The following GLI2 variants were observed in gnomAD, a reference collection of about 807,000 sequenced individuals.
GLI2 encodes GLI family zinc finger 2.
In GLI2, 22 loss-of-function variants were observed where a neutral mutation model predicts 78.9. That is an observed-to-expected ratio of 0.28 (90% confidence interval 0.20 to 0.40). GLI2 has a LOEUF of 0.40. Among genes scored for constraint, GLI2 ranks in the 10% least tolerant of loss-of-function variants. The probability of loss-of-function intolerance (pLI) is 1.00; values close to 1 mark genes in which losing one functional copy is unlikely to be tolerated. For missense variants in GLI2, 2,097 were observed against 2,213.2 expected, an observed-to-expected ratio of 0.95 and a Z score of 1.05; for synonymous variants, 974 against 963.7, an observed-to-expected ratio of 1.01 and a Z score of -0.20.
chr2:120,958,065 A>G (rs911298878), intron 5 of GLI2, among the ~76,000 whole-genome samples: 5 of 152,186 alleles, frequency 3.3e-5, no homozygotes, highest in African/African-American at 7.2e-5. Context: ...AGAGGGGAGA[A>G]GTAGTACAGC....
chr2:120,936,005 C>T lies in GLI2; in HGVS notation c.254+8539C>T, dbSNP rs377518141. ...ATCTTGATGTGCAGGCCGAGGTGGG[C>T]GTGCAGTGGGGGAGGGGCTGCGGCA... On this transcript the variant is annotated intron_variant, in intron 3 of 13. Coordinates refer to ENST00000361492, the MANE Select transcript of GLI2 (RefSeq NM_001374353.1). Among the ~76,000 whole-genome samples the T allele has an allele frequency of 2.0e-3, 304 of 152,086 alleles. 1 individual carries two copies. Among genetic ancestry groups the T allele is most frequent in the African/African-American group, 6.9e-3 (285 of 41,502 alleles).
At chr2:120,911,770 C>T (rs1678832046) in intron 2 of GLI2, among the ~76,000 whole-genome samples, 1 of 151,616 alleles carries the variant, frequency 6.6e-6, no homozygotes, top group Non-Finnish European at 1.5e-5. Flanking sequence ...TGGAGGCAGG[C>T]TCGTGTGGAC....
In GLI2 at chr2:120,955,382, G is replaced by A. The variant is rs542892514; in HGVS notation, c.595G>A (p.Gly199Ser). ...PYGDLLMQSG[G>S]AASAPHLHDY... ...CGGGGACCTGCTGATGCAGAGCGGG[G>A]GCGCTGCCAGCGCACCCCATCTCCA... The change falls in exon 5 of 14, where the codon GGC becomes AGC. Residue 199 changes from glycine (G) to serine (S), a missense_variant. Physicochemically the swap from Gly to Ser is moderately conservative, Grantham distance 56. Transcript: ENST00000361492. 1.6e-4 allele frequency: 253 copies of A among 1,612,276 alleles called. 2 individuals carry two copies. In the South Asian group the frequency reaches 2.3e-3, roughly 14 times the overall value.
chr2:120,933,492 G>T (rs1357609443), intron 3 of GLI2, among the ~76,000 whole-genome samples: 1 of 152,156 alleles, frequency 6.6e-6, no homozygotes, highest in Non-Finnish European at 1.5e-5. Flanking sequence ...CTGTACAAGG[G>T]CGAGAAGAGA....
intron 1 of GLI2, among the ~76,000 whole-genome samples, chr2:120,794,484 C>T (rs1325047092): frequency 6.6e-6 from 1 of 152,118 alleles, no homozygotes; most frequent in African/African-American, 2.4e-5. Flanking sequence ...CAGGGAATTA[C>T]CTGGAGTGGA....
chr2:120,827,272 G>A (rs1021140664), intron 2 of GLI2, among the ~76,000 whole-genome samples: 4 of 152,182 alleles, frequency 2.6e-5, no homozygotes, highest in Admixed American at 6.5e-5. Flanking sequence ...TGGTGAGCCC[G>A]GCGTCTCTAA....
rs571405929 is a variant in GLI2, at chr2:120,970,752, T to A, written c.1059+146T>A. 4.3e-6 allele frequency: 3 copies of A among 694,480 alleles called. No individual in the cohort carries two copies. In the Admixed American group the frequency reaches 6.4e-5, roughly 15 times the overall value. 43.0% of individuals were successfully genotyped at this position (694,480 alleles called of 1,614,324 possible). A position where few individuals can be genotyped will look rare whatever the true frequency, so the allele number is the denominator to read the frequency against. ...GGTGCCTTCTGGGCAGAGGCCACGT[T>A]ACAGAAAGGGTGAGACCTGGGCTCA... On this transcript the variant is annotated intron_variant, in intron 7 of 13. Transcript: ENST00000361492.
rs72835590 is a variant in GLI2 at position 120,869,186 on chromosome 2, G to T, written c.149-58175G>T. Among the ~76,000 whole-genome samples, 822 of 152,288 alleles carry T rather than the reference G, an allele frequency of 5.4e-3. 5 individuals carry two copies. The highest frequency in any genetic ancestry group is 7.8e-3 in the Non-Finnish European group (529 of 68,022). ...GGCCTGGCCCCAGTGGGGACAGGGA[G>T]GGGAGAGAAGCAACCTGGGGCACAC... On this transcript the variant is annotated intron_variant, in intron 2 of 13. Coordinates refer to ENST00000361492, the MANE Select transcript of GLI2 (RefSeq NM_001374353.1).
At chr2:120,810,015 C>A (rs1448113895) in intron 2 of GLI2, among the ~76,000 whole-genome samples, 1 of 152,204 alleles carries the variant, frequency 6.6e-6, no homozygotes, top group Non-Finnish European at 1.5e-5. Context: ...TCAGGGTGAC[C>A]CTGCTGGCCC....
In GLI2 at chr2:120,984,758, G is replaced by A. The variant is rs1460020170; in HGVS notation, c.1905+15G>A. ...AGAGCTCCGGGGTAAGCGGAGCTGG[G>A]CAGCCCAGCCACGCAAGGCGACTCC... On this transcript the variant is annotated intron_variant, in intron 12 of 13. Coordinates refer to ENST00000361492, the MANE Select transcript of GLI2 (RefSeq NM_001374353.1). The A allele has an allele frequency of 1.9e-6, 3 of 1,610,856 alleles. No homozygotes were observed. The Admixed American group carries it at 5.0e-5, about 27-fold the overall frequency.
At chr2:120,951,504 G>T in intron 4 of GLI2, 59 bp downstream of exon 4, 1 of 1,137,872 alleles carries the variant, frequency 8.8e-7, no homozygotes, top group South Asian at 1.4e-5. Context: ...GGCGCAGCCA[G>T]CCTCTCTCAC....
At chr2:120,856,592 T>C (rs1392331847) in intron 2 of GLI2, among the ~76,000 whole-genome samples, 1 of 152,156 alleles carries the variant, frequency 6.6e-6, no homozygotes, top group Admixed American at 6.5e-5. Flanking sequence ...CCAGCCACTG[T>C]GTAAGGGAGC....
At chr2:120,862,832 C>G (rs560858512) in intron 2 of GLI2, among the ~76,000 whole-genome samples, 5 of 152,352 alleles carry the variant, frequency 3.3e-5, no homozygotes, top group Admixed American at 3.3e-4. Context: ...GGACAGCCTG[C>G]TCAGACCTCC....
intron 3 of GLI2, among the ~76,000 whole-genome samples, chr2:120,950,554 C>A (rs567607161): frequency 6.6e-6 from 1 of 152,208 alleles, no homozygotes; most frequent in African/African-American, 2.4e-5. Context: ...CGGCACCAAG[C>A]CCAATGCACA....
intron 2 of GLI2, among the ~76,000 whole-genome samples, chr2:120,847,022 G>C (rs1687149324): frequency 6.6e-6 from 1 of 151,884 alleles, no homozygotes; most frequent in Non-Finnish European, 1.5e-5. Context: ...TTAGTCTCCA[G>C]GTTTGGGGGT....
At chr2:120,741,419 T>C (rs1682534799) in intron 1 of GLI2, among the ~76,000 whole-genome samples, 1 of 151,752 alleles carries the variant, frequency 6.6e-6, no homozygotes, top group South Asian at 2.1e-4. Context: ...CTCCTTCCCC[T>C]TTCTCTCTCT....
chr2:120,957,251 C>G lies in GLI2; in HGVS notation c.643+1821C>G, dbSNP rs570382208. ...CTGTGTCTGTCCCGTTCTTCCTTGC[C>G]TTTCCCAGCATGGTGTTTAGTCCAG... On this transcript the variant is annotated intron_variant, in intron 5 of 13. Coordinates refer to ENST00000361492, the MANE Select transcript of GLI2 (RefSeq NM_001374353.1). Among the ~76,000 whole-genome samples, 9 of 152,326 alleles carry G rather than the reference C, an allele frequency of 5.9e-5. No individual in the cohort carries two copies. The East Asian group carries it at 1.5e-3, about 26-fold the overall frequency.
intron 2 of GLI2, among the ~76,000 whole-genome samples, chr2:120,896,690 C>T (rs1428319583): frequency 7.6e-6 from 1 of 131,450 alleles, no homozygotes; most frequent in Non-Finnish European, 1.6e-5. Flanking sequence ...CACTCACACA[C>T]ACCCATACAC....
chr2:120,803,848 G>A lies in GLI2; in HGVS notation c.148+6380G>A, dbSNP rs147681476. Among the ~76,000 whole-genome samples the A allele has an allele frequency of 9.1e-3, 1,392 of 152,294 alleles. 17 individuals are homozygous for A. The highest frequency in any genetic ancestry group is 0.031 in the African/African-American group (1,294 of 41,558). ...CTTCACAGGTCATTGGGCGCAGTCC[G>A]TCCAAGGCATGAACAAGATCCCTTG... On this transcript the variant is annotated intron_variant, in intron 2 of 13. Coordinates refer to ENST00000361492, the MANE Select transcript of GLI2 (RefSeq NM_001374353.1).
Sources: allele counts gnomAD v4.1 joint callset (sites outside exome capture counted in the v4.1 genomes callset), GRCh38; gene constraint gnomAD v4.1.1; transcripts MANE v1.5; gene names NCBI Gene and HGNC (gene_info 2026-07-23, HGNC 2026-07-21).